Variants in SRCIN1 observed in about 807,000 individuals in gnomAD.
SRCIN1 encodes the protein SRC kinase signaling inhibitor 1, also known as P130Cas-associated protein.
SRCIN1 carries 50 observed loss-of-function variants against 116.2 expected under a neutral mutation model. The observed-to-expected ratio is 0.43, with a 90% confidence interval of 0.34 to 0.54. The LOEUF is 0.54. Among genes scored for constraint, SRCIN1 ranks in the 20% least tolerant of loss-of-function variants. The pLI is 0.02. For synonymous variants in SRCIN1, 736 were observed against 750.0 expected, an observed-to-expected ratio of 0.98 and a Z score of 0.30; for missense variants, 1,446 against 1,672.0, an observed-to-expected ratio of 0.86 and a Z score of 2.36.
rs1418417336 is a variant in SRCIN1 at position 38,532,622 on chromosome 17, G to A, written c.*675C>T. Reference sequence around the variant, plus strand: ...CTCCATGGCCTCACACCCACCCTGAGGCCTCTCAAACTCCGGCCTCGTCTC... The same window carrying A: ...CTCCATGGCCTCACACCCACCCTGAAGCCTCTCAAACTCCGGCCTCGTCTC... On this transcript the variant is annotated 3_prime_UTR_variant, in exon 19 of 19. Coordinates refer to ENST00000617146, the MANE Select transcript of SRCIN1 (RefSeq NM_025248.3). The surrounding 1 kb of genome is among the most constrained non-coding windows in gnomAD (Gnocchi z 4.3). 6.6e-6 allele frequency: 1 copy of A among 152,318 alleles called. No homozygotes were observed. The highest frequency in any genetic ancestry group is 1.5e-5 in the Non-Finnish European group (1 of 68,148). The allele number at this position is 152,318 out of a possible 1,614,324, so 9.4% of individuals were successfully genotyped here. A position where few individuals can be genotyped will look rare whatever the true frequency, so the allele number is the denominator to read the frequency against.
chr17:38,585,511 C>T lies in SRCIN1; in HGVS notation c.23-6720G>A, dbSNP rs1226721977. Among the ~76,000 whole-genome samples, 2 of 152,098 alleles carry T rather than the reference C, an allele frequency of 1.3e-5. No homozygotes were observed. Among genetic ancestry groups the T allele is most frequent in the Admixed American group, 6.5e-5 (1 of 15,268 alleles). On this transcript the variant is annotated intron_variant, in intron 1 of 18. Coordinates refer to ENST00000617146, the MANE Select transcript of SRCIN1 (RefSeq NM_025248.3). The surrounding 1 kb of genome is among the most constrained non-coding windows in gnomAD (Gnocchi z 4.2). ...AAACTAGGCAGAGGCTCTGGGAACC[C>T]GAATTAGGAGAGGGGATCCTTTGCT... is the stretch of plus-strand genomic sequence containing the variant.
chr17:38,578,861 G>T (rs1907611062), intron 1 of SRCIN1, 70 bp from the exon 2 acceptor site: 13 of 1,422,552 alleles, frequency 9.1e-6, no homozygotes, highest in Non-Finnish European at 1.1e-5. Context: ...CCCCCAAGGG[G>T]GTCCCTGCGG....
intron 1 of SRCIN1, among the ~76,000 whole-genome samples, chr17:38,588,122 A>AAC (rs1382354839): frequency 6.6e-6 from 1 of 151,926 alleles, no homozygotes; most frequent in Non-Finnish European, 1.5e-5. Context: ...GGCAACAGGC[A>AAC]ACAGGCATGC....
chr17:38,563,254 C>A lies in SRCIN1; in HGVS notation c.740+69G>T. The A allele has an allele frequency of 6.6e-7, 1 of 1,523,028 alleles. No individual in the cohort carries two copies. Among genetic ancestry groups the A allele is most frequent in the Non-Finnish European group, 8.9e-7 (1 of 1,129,552 alleles). The allele number at this position is 1,523,028 out of a possible 1,614,324, so 94.3% of individuals were successfully genotyped here. A position where few individuals can be genotyped will look rare whatever the true frequency, so the allele number is the denominator to read the frequency against. ...CAGGAAGGAGCTGGGGAAGGGCCGG[C>A]GGGGTCCAGCACCCTGCAGAGGAGG... On this transcript the variant is annotated intron_variant, in intron 5 of 18. Transcript: ENST00000617146. The surrounding 1 kb of genome is among the most constrained non-coding windows in gnomAD (Gnocchi z 5.8).
rs1347869584 is a variant in SRCIN1, at chr17:38,531,878, C to G, written c.*1419G>C. ...GGGGACTGATTCTAGTCCCCCTCCC[C>G]TGTGCTTACTTCACTTTGTGCTCCA... On this transcript the variant is annotated 3_prime_UTR_variant, in exon 19 of 19. Coordinates refer to ENST00000617146, the MANE Select transcript of SRCIN1 (RefSeq NM_025248.3). 2 of 153,084 alleles carry G rather than the reference C, an allele frequency of 1.3e-5. No homozygotes were observed. Among genetic ancestry groups the G allele is most frequent in the East Asian group, 1.9e-4 (1 of 5,184 alleles). The allele number at this position is 153,084 out of a possible 1,614,324, so 9.5% of individuals were successfully genotyped here. A position where few individuals can be genotyped will look rare whatever the true frequency, so the allele number is the denominator to read the frequency against.
In SRCIN1 at chr17:38,562,800, C is replaced by A; in HGVS notation, c.834+27G>T. ...CTGGACCCCATGTGCCCAGCCTCCC[C>A]AATGCCCTGGGCATGCCCAGCCATA... is the stretch of plus-strand genomic sequence containing the variant. On this transcript the variant is annotated intron_variant, in intron 6 of 18. Coordinates refer to ENST00000617146, the MANE Select transcript of SRCIN1 (RefSeq NM_025248.3). The surrounding 1 kb of genome is among the most constrained non-coding windows in gnomAD (Gnocchi z 4.2). The A allele has an allele frequency of 6.2e-7, 1 of 1,605,266 alleles. No individual in the cohort carries two copies. The highest frequency in any genetic ancestry group is 2.2e-5 in the East Asian group (1 of 44,768).
In SRCIN1 at chr17:38,604,860, A is replaced by C. The variant is rs1597946188; in HGVS notation, c.22+824T>G. The stretch of plus-strand genomic sequence containing the variant: ...AGCCGCCTGCCTTCCCTATCTTCTC[A>C]CTCACCCTAGATGCCCTCCCCAGCT... On this transcript the variant is annotated intron_variant, in intron 1 of 18. Transcript: ENST00000617146. The surrounding 1 kb of genome is among the most constrained non-coding windows in gnomAD (Gnocchi z 4.3). Among the ~76,000 whole-genome samples the C allele has an allele frequency of 2.6e-5, 3 of 114,318 alleles. No individual in the cohort carries two copies. Among genetic ancestry groups the C allele is most frequent in the African/African-American group, 7.0e-5 (2 of 28,546 alleles). 75.0% of individuals were successfully genotyped at this position (114,318 alleles called of 152,430 possible). A position where few individuals can be genotyped will look rare whatever the true frequency, so the allele number is the denominator to read the frequency against.
chr17:38,561,345 C>T lies in SRCIN1; in HGVS notation c.1700+118G>A, dbSNP rs775858938. On this transcript the variant is annotated intron_variant, in intron 7 of 18. Transcript: ENST00000617146. ...GCGACCCTTCAAGACTACTCAAGGT[C>T]TCCAAAGGACTCCAGGATCTCAGTC... 5 of 1,261,632 alleles carry T rather than the reference C, an allele frequency of 4.0e-6. No homozygotes were observed. In the East Asian group the frequency reaches 1.5e-4, roughly 38 times the overall value. The allele number at this position is 1,261,632 out of a possible 1,614,324, so 78.2% of individuals were successfully genotyped here.
At position 38,568,326 on chromosome 17, in the gene SRCIN1, T is replaced by A. The variant is rs759683590; in HGVS notation, c.325-95A>T. The A allele has an allele frequency of 2.1e-5, 28 of 1,302,640 alleles. No individual in the cohort carries two copies. Among genetic ancestry groups the A allele is most frequent in the Non-Finnish European group, 2.4e-5 (22 of 915,988 alleles). The allele number at this position is 1,302,640 out of a possible 1,614,324, so 80.7% of individuals were successfully genotyped here. ...GTTAGAGACCCTTGGAACTCAGCACTCAGCCCTAGGACAAGGGCCCTCCAC... is the reference window on the plus strand; with the variant it reads ...GTTAGAGACCCTTGGAACTCAGCACACAGCCCTAGGACAAGGGCCCTCCAC... On this transcript the variant is annotated intron_variant, in intron 2 of 18. Transcript: ENST00000617146. This position sits in a 1 kb window ranked among gnomAD's most constrained non-coding sequence, Gnocchi z 4.5.
intron 18 of SRCIN1, among the ~76,000 whole-genome samples, chr17:38,539,264 G>A (rs927947534): frequency 6.6e-6 from 1 of 151,630 alleles, no homozygotes. Flanking sequence ...TCCATACCCC[G>A]GAACCAATTA....
In SRCIN1 at chr17:38,543,700, G is replaced by C. The variant is rs1904891771; in HGVS notation, c.3417+123C>G. 2.2e-6 allele frequency: 3 copies of C among 1,382,642 alleles called. No homozygotes were observed. The South Asian group carries it at 4.3e-5, about 20-fold the overall frequency. 85.6% of individuals were successfully genotyped at this position (1,382,642 alleles called of 1,614,324 possible). A position where few individuals can be genotyped will look rare whatever the true frequency, so the allele number is the denominator to read the frequency against. ...TGGGTGGGGCAGTCCTGGCAGGGAA[G>C]GTCTGTCTGGGAAGAGGTTGGGAAA... On this transcript the variant is annotated intron_variant, in intron 18 of 18. Transcript: ENST00000617146.
At chr17:38,539,744 C>T (rs1439558436) in intron 18 of SRCIN1, among the ~76,000 whole-genome samples, 1 of 152,096 alleles carries the variant, frequency 6.6e-6, no homozygotes, top group East Asian at 1.9e-4. Flanking sequence ...AAAGTCTCTT[C>T]ATCTGGGGCC....
At chr17:38,536,009 T>C (rs879100178) in intron 18 of SRCIN1, among the ~76,000 whole-genome samples, 1 of 152,212 alleles carries the variant, frequency 6.6e-6, no homozygotes, top group Admixed American at 6.5e-5. Flanking sequence ...CCACCTGGCT[T>C]CTGTATTCAG....
At chr17:38,606,026 G>C (rs1272483198), upstream of SRCIN1, 5 of 143,712 alleles carry the variant, frequency 3.5e-5, no homozygotes, top group Admixed American at 2.0e-4. The surrounding 1 kb of genome is among the most constrained non-coding windows in gnomAD (Gnocchi z 5.2). Flanking sequence ...GCGTGTGGCC[G>C]GAACTTACAA....
intron 18 of SRCIN1, among the ~76,000 whole-genome samples, chr17:38,534,545 C>A (rs1318756020): frequency 1.3e-5 from 2 of 152,122 alleles, no homozygotes; most frequent in Admixed American, 1.3e-4. Context: ...TAAGACAGGG[C>A]GCTGTGGCGA....
At position 38,539,276 on chromosome 17, in the gene SRCIN1, G is replaced by T. The variant is rs190050420; in HGVS notation, c.3417+4547C>A. Among the ~76,000 whole-genome samples, 1,206 of 144,964 alleles carry T rather than the reference G, an allele frequency of 8.3e-3. 3 individuals are homozygous for T. Among genetic ancestry groups the T allele is most frequent in the Non-Finnish European group, 0.014 (940 of 67,870 alleles). The stretch of plus-strand genomic sequence containing the variant: ...CTCTCCATACCCCGGAACCAATTAT[G>T]GGGGGGCTCACGTATGTTGCCCAGG... On this transcript the variant is annotated intron_variant, in intron 18 of 18. Coordinates refer to ENST00000617146, the MANE Select transcript of SRCIN1 (RefSeq NM_025248.3).
At chr17:38,533,731 G>A (rs1418173951) in intron 18 of SRCIN1, among the ~76,000 whole-genome samples, 2 of 134,946 alleles carry the variant, frequency 1.5e-5, no homozygotes, top group East Asian at 5.2e-4. Context: ...AAGAGGCCGC[G>A]CCCAGGATGG....
At chr17:38,601,783 G>A (rs1909047393) in intron 1 of SRCIN1, among the ~76,000 whole-genome samples, 1 of 151,994 alleles carries the variant, frequency 6.6e-6, no homozygotes, top group South Asian at 2.1e-4. Context: ...CCACTTCCCC[G>A]CCCCCAGCTT....
chr17:38,560,487 C>A, intron 7 of SRCIN1, 62 bp from the exon 8 acceptor site: 1 of 1,392,324 alleles, frequency 7.2e-7, no homozygotes, highest in South Asian at 1.2e-5. Context: ...CTGCCCAGCC[C>A]CCCATTCCTA....
Sources: allele counts gnomAD v4.1 joint callset (sites outside exome capture counted in the v4.1 genomes callset), GRCh38; gene constraint gnomAD v4.1.1; non-coding constraint Gnocchi (gnomAD v3.1); transcripts MANE v1.5; gene names NCBI Gene and HGNC (gene_info 2026-07-23, HGNC 2026-07-21).